Variants in DLG2 observed in about 807,000 individuals in gnomAD.
DLG2 encodes the protein discs large MAGUK scaffold protein 2, also known as disks large homolog 2.
DLG2 carries 45 observed loss-of-function variants against 132.5 expected under a neutral mutation model. That is an observed-to-expected ratio of 0.34 (90% CI 0.27 to 0.44). The LOEUF (loss-of-function observed/expected upper bound fraction) is 0.44. DLG2 is among the 20% of genes least tolerant of loss of function. DLG2 has a pLI of 1.00. For missense variants in DLG2, 1,045 were observed against 1,196.9 expected (o/e 0.87, Z 1.87); for synonymous variants, 424 against 419.6 (o/e 1.01, Z -0.13).
chr11:83,729,090 A>T (rs1396645577), intron 18 of DLG2, among the ~76,000 whole-genome samples: 2 of 152,206 alleles, frequency 1.3e-5, no homozygotes, highest in African/African-American at 2.4e-5. Flanking sequence ...GGTAAGAAAA[A>T]GTCCCACCCA....
In DLG2 at chr11:85,365,480, A is replaced by G. The variant is rs138604428; in HGVS notation, c.41-80115T>C. 2.2e-3 allele frequency among the ~76,000 whole-genome samples: 340 copies of G among 152,272 alleles called. 2 individuals are homozygous for G. Among genetic ancestry groups the G allele is most frequent in the African/African-American group, 7.4e-3 (309 of 41,566 alleles). Reference sequence around the variant, plus strand: ...TTAAAATTGAACTTCTGTATCTTCAATTGAACCAGTAGACTTATTTCACAC... The same window carrying G: ...TTAAAATTGAACTTCTGTATCTTCAGTTGAACCAGTAGACTTATTTCACAC... On this transcript the variant is annotated intron_variant, in intron 3 of 27. Coordinates refer to ENST00000376104, the MANE Select transcript of DLG2 (RefSeq NM_001142699.3).
At chr11:84,161,644 C>G (rs1429252181) in intron 9 of DLG2, among the ~76,000 whole-genome samples, 1 of 152,014 alleles carries the variant, frequency 6.6e-6, no homozygotes, top group East Asian at 1.9e-4. Flanking sequence ...ACCTCCAATA[C>G]CAGGGCAACT....
chr11:84,506,166 C>T (rs1249297935), intron 7 of DLG2, among the ~76,000 whole-genome samples: 1 of 147,722 alleles, frequency 6.8e-6, no homozygotes, highest in Non-Finnish European at 1.5e-5. Flanking sequence ...AGCTCCGCCT[C>T]CCGGGTTCAA....
At position 83,478,363 on chromosome 11, in the gene DLG2, A is replaced by ATTTGCCCTACTAATGTCAT. The variant is rs2092796641; in HGVS notation, c.2294-5605_2294-5587dup. Among the ~76,000 whole-genome samples, 4 of 152,036 alleles carry ATTTGCCCTACTAATGTCAT rather than the reference A, an allele frequency of 2.6e-5. No homozygotes were observed. The South Asian group carries it at 8.3e-4, about 32-fold the overall frequency. On this transcript the variant is annotated intron_variant, in intron 22 of 27. Transcript: ENST00000376104. ...GCCAATAGAGATAATTAGATTCCATATTTGCCCTACTAATGTCATAGAATC... is the reference window on the plus strand; with the variant it reads ...GCCAATAGAGATAATTAGATTCCATATTTGCCCTACTAATGTCATTTTGCCCTACTAATGTCATAGAATC...
At chr11:84,401,283 C>T (rs888888942) in intron 7 of DLG2, among the ~76,000 whole-genome samples, 7 of 152,180 alleles carry the variant, frequency 4.6e-5, no homozygotes, top group Admixed American at 2.6e-4. Flanking sequence ...CACATGCCCT[C>T]AAAACCCCCT....
chr11:83,552,636 T>C (rs536512723), intron 19 of DLG2, among the ~76,000 whole-genome samples: 5 of 152,262 alleles, frequency 3.3e-5, no homozygotes, highest in African/African-American at 7.2e-5. Flanking sequence ...CTCTGTAATA[T>C]AGTAATCTCA....
chr11:83,510,182 G>A (rs941293155), intron 21 of DLG2, among the ~76,000 whole-genome samples: 3 of 152,028 alleles, frequency 2.0e-5, no homozygotes, highest in African/African-American at 7.3e-5. Flanking sequence ...CTCTATACTA[G>A]GAAGATGTTC....
intron 6 of DLG2, among the ~76,000 whole-genome samples, chr11:85,080,948 G>A (rs574268150): frequency 6.6e-6 from 1 of 152,126 alleles, no homozygotes; most frequent in Admixed American, 6.5e-5. Context: ...TGTTAAAAAG[G>A]CTCAAAACAT....
chr11:85,571,827 G>A (rs138652124), intron 3 of DLG2, among the ~76,000 whole-genome samples: 1 of 152,062 alleles, frequency 6.6e-6, no homozygotes, highest in Non-Finnish European at 1.5e-5. Flanking sequence ...CCAGTACTGG[G>A]TTTACTATTT....
chr11:83,510,594 G>T (rs1358838638), intron 21 of DLG2, among the ~76,000 whole-genome samples: 1 of 152,114 alleles, frequency 6.6e-6, no homozygotes, highest in Admixed American at 6.6e-5. Context: ...TAGGGAGTTT[G>T]GTCATGCAGT....
At chr11:83,668,884 G>T (rs12223386) in intron 18 of DLG2, among the ~76,000 whole-genome samples, 44,992 of 125,332 alleles carry the variant, frequency 0.36, 10,743 homozygotes, top group African/African-American at 0.58. Flanking sequence ...TTTTATGATA[G>T]ACTATGAGCT....
intron 6 of DLG2, among the ~76,000 whole-genome samples, chr11:84,815,952 C>T (rs1185233890): frequency 6.6e-6 from 1 of 152,026 alleles, no homozygotes; most frequent in Non-Finnish European, 1.5e-5. Flanking sequence ...AGGGATGACG[C>T]TGATATTGGC....
chr11:85,139,960 T>A (rs2076361342), intron 5 of DLG2, among the ~76,000 whole-genome samples: 1 of 151,966 alleles, frequency 6.6e-6, no homozygotes, highest in African/African-American at 2.4e-5. Context: ...CATAATGTCC[T>A]CCCAGGCTCC....
intron 3 of DLG2, among the ~76,000 whole-genome samples, chr11:85,448,861 T>C (rs971586136): frequency 3.3e-5 from 5 of 152,152 alleles, no homozygotes; most frequent in Non-Finnish European, 7.4e-5. Context: ...AACACTAATA[T>C]ATTTAAAGTA....
At chr11:85,430,848 CAAAAA>C (rs34643624) in intron 3 of DLG2, among the ~76,000 whole-genome samples, 17 of 131,072 alleles carry the variant, frequency 1.3e-4, no homozygotes, top group African/African-American at 2.5e-4. Context: ...GCTAGCCAGT[CAAAAA>C]AAAAAAAAAA....
intron 6 of DLG2, chr11:84,720,931 G>T (rs1287742877): frequency 6.6e-6 from 1 of 151,670 alleles, no homozygotes; most frequent in Non-Finnish European, 1.5e-5. Flanking sequence ...GGGGAGCGCT[G>T]GCCGGGCAAG....
intron 3 of DLG2, among the ~76,000 whole-genome samples, chr11:85,493,618 T>C (rs2093609896): frequency 6.6e-6 from 1 of 151,044 alleles, no homozygotes; most frequent in Admixed American, 6.6e-5. Flanking sequence ...TGCAGCGAGC[T>C]ATGATTGTGC....
intron 3 of DLG2, among the ~76,000 whole-genome samples, chr11:85,583,073 T>A (rs2078670617): frequency 7.5e-6 from 1 of 133,314 alleles, no homozygotes; most frequent in African/African-American, 2.8e-5. Context: ...TATATATATA[T>A]ATATAATATA....
At chr11:84,663,249 A>ATTT (rs200108753) in intron 6 of DLG2, among the ~76,000 whole-genome samples, 4 of 102,306 alleles carry the variant, frequency 3.9e-5, no homozygotes, top group East Asian at 2.7e-4. Context: ...ATATATATAT[A>ATTT]TTTTTTTTTC....
Sources: gnomAD v4.1 joint callset for allele counts (sites outside exome capture counted in the v4.1 genomes callset) on GRCh38, gnomAD v4.1.1 for gene constraint, MANE v1.5 for transcripts, NCBI Gene and HGNC (gene_info 2026-07-23, HGNC 2026-07-21) for gene names.